TRIO: variants seen among roughly 807,000 people sequenced by gnomAD.
The protein encoded by TRIO is trio Rho guanine nucleotide exchange factor, also known as triple functional domain protein.
A neutral mutation model predicts 351.9 loss-of-function variants in TRIO; 58 were observed. The observed-to-expected ratio is 0.16, with a 90% confidence interval of 0.13 to 0.21. The LOEUF (loss-of-function observed/expected upper bound fraction) is 0.21. Among genes scored for constraint, TRIO ranks in the 10% least tolerant of loss-of-function variants. The pLI, the probability that TRIO is intolerant of heterozygous loss-of-function variation, is 1.00. For missense variants in TRIO, 3,201 were observed against 4,027.8 expected, an observed-to-expected ratio of 0.79 and a Z score of 5.56; for synonymous variants, 1,758 against 1,595.7, an observed-to-expected ratio of 1.10 and a Z score of -2.42.
chr5:14,417,472 G>A (rs1307980197), intron 33 of TRIO, among the ~76,000 whole-genome samples: 2 of 152,244 alleles, frequency 1.3e-5, no homozygotes, highest in African/African-American at 4.8e-5. Context: ...GCACAAGGGG[G>A]CAGCCCCAGA....
At chr5:14,233,552 CCTTT>C (rs1428652957) in intron 1 of TRIO, among the ~76,000 whole-genome samples, 1 of 151,818 alleles carries the variant, frequency 6.6e-6, no homozygotes, top group Non-Finnish European at 1.5e-5. Flanking sequence ...ATTTTTCCTT[CCTTT>C]CTTCCTTCTC....
intron 34 of TRIO, among the ~76,000 whole-genome samples, chr5:14,435,442 A>G (rs1286730181): frequency 2.0e-5 from 3 of 152,172 alleles, no homozygotes; most frequent in Non-Finnish European, 4.4e-5. Context: ...CCCCCACTGT[A>G]AAGTTACTGT....
chr5:14,441,658 G>A (rs1018291167), intron 34 of TRIO, among the ~76,000 whole-genome samples: 2 of 152,120 alleles, frequency 1.3e-5, no homozygotes, highest in Non-Finnish European at 2.9e-5. Context: ...TCTTATAAAT[G>A]GCATGTAAAG....
chr5:14,215,472 T>G (rs1792160501), intron 1 of TRIO, among the ~76,000 whole-genome samples: 1 of 152,248 alleles, frequency 6.6e-6, no homozygotes, highest in Admixed American at 6.5e-5. Context: ...ATTTTTTTCC[T>G]TCAGCTTTCT....
Position 14,369,529 on chromosome 5 carries a change from G to T in TRIO, c.3216+6G>T. The T allele has an allele frequency of 6.2e-7, 1 of 1,612,948 alleles. No homozygotes were observed. The highest frequency in any genetic ancestry group is 8.5e-7 in the Non-Finnish European group (1 of 1,179,580). ...AGAAGGAGGCATTCCTGAAGGTAGG[G>T]GCAGCGCTGCGGGACAGTGCACCCA... On this transcript the variant is annotated splice_donor_region_variant and intron_variant, in intron 18 of 56. Coordinates refer to ENST00000344204, the MANE Select transcript of TRIO (RefSeq NM_007118.4).
chr5:14,180,099 T>TAAA (rs1789668432), intron 1 of TRIO, among the ~76,000 whole-genome samples: 1 of 18,304 alleles, frequency 5.5e-5, no homozygotes, highest in African/African-American at 3.7e-4. Context: ...GGACTCCTGC[T>TAAA]CAAAAAAAAA....
intron 1 of TRIO, among the ~76,000 whole-genome samples, chr5:14,258,793 G>T (rs951493744): frequency 6.6e-6 from 1 of 152,200 alleles, no homozygotes; most frequent in East Asian, 1.9e-4. Flanking sequence ...TGGCCCAGGG[G>T]GATAATGAGT....
intron 19 of TRIO, among the ~76,000 whole-genome samples, chr5:14,377,752 G>A (rs868346626): frequency 3.3e-5 from 5 of 151,980 alleles, no homozygotes; most frequent in African/African-American, 1.2e-4. Flanking sequence ...CATATCCCAC[G>A]AATCCATCCA....
At chr5:14,375,310 A>G (rs576813093) in intron 19 of TRIO, among the ~76,000 whole-genome samples, 2 of 152,314 alleles carry the variant, frequency 1.3e-5, no homozygotes, top group South Asian at 4.1e-4. Flanking sequence ...TTCCTGTAGA[A>G]ATAAGTTCAC....
intron 6 of TRIO, among the ~76,000 whole-genome samples, chr5:14,294,696 C>T (rs165081): frequency 0.013 from 1,970 of 152,194 alleles, 43 homozygotes; most frequent in African/African-American, 0.045. Context: ...TGCCATGTGA[C>T]CTTGGGAAGG....
chr5:14,497,822 T>G lies in TRIO; in HGVS notation c.8020-25T>G. 1 of 1,614,206 alleles carries G rather than the reference T, an allele frequency of 6.2e-7. No individual in the cohort carries two copies. Among genetic ancestry groups the G allele is most frequent in the Non-Finnish European group, 8.5e-7 (1 of 1,180,014 alleles). Reference sequence around the variant, plus strand: ...CCTTAAAGTAGCTCATTTCAGTTAATGCTTGTTTGCTGTTTCCATTTCAGC... The same window carrying G: ...CCTTAAAGTAGCTCATTTCAGTTAAGGCTTGTTTGCTGTTTCCATTTCAGC... On this transcript the variant is annotated intron_variant, in intron 50 of 56. Coordinates refer to ENST00000344204, the MANE Select transcript of TRIO (RefSeq NM_007118.4). The surrounding 1 kb of genome is among the most constrained non-coding windows in gnomAD (Gnocchi z 4.4).
intron 28 of TRIO, among the ~76,000 whole-genome samples, chr5:14,396,131 G>A (rs1452238495): frequency 6.6e-6 from 1 of 150,958 alleles, no homozygotes; most frequent in African/African-American, 2.4e-5. Flanking sequence ...AATAACGGAT[G>A]TTTCTCTAAA....
chr5:14,440,000 A>G (rs1418599391), intron 34 of TRIO, among the ~76,000 whole-genome samples: 2 of 152,196 alleles, frequency 1.3e-5, no homozygotes, highest in Non-Finnish European at 2.9e-5. Context: ...AAATTTTATT[A>G]TGCAACAAAT....
intron 24 of TRIO, 142 bp downstream of exon 24, chr5:14,388,821 A>G: frequency 2.0e-6 from 2 of 979,878 alleles, no homozygotes; most frequent in Non-Finnish European, 2.9e-6. Flanking sequence ...ATGCTTCAGC[A>G]GCCGGTTTCA....
chr5:14,329,708 T>C (rs144839431), intron 9 of TRIO, among the ~76,000 whole-genome samples: 165 of 152,342 alleles, frequency 1.1e-3, no homozygotes, highest in African/African-American at 3.9e-3. Flanking sequence ...TTAAAATCTT[T>C]TAAAGTTTTT....
chr5:14,159,047 C>A (rs553675828), intron 1 of TRIO, among the ~76,000 whole-genome samples: 43 of 152,266 alleles, frequency 2.8e-4, no homozygotes, highest in Middle Eastern at 6.8e-3. Context: ...GCTATAGGGA[C>A]AAGGTTACCA....
chr5:14,252,359 T>C (rs950504217), intron 1 of TRIO, among the ~76,000 whole-genome samples: 1 of 152,240 alleles, frequency 6.6e-6, no homozygotes, highest in Admixed American at 6.5e-5. Flanking sequence ...TGCCACCTTC[T>C]TGGTGATTTT....
chr5:14,501,336 C>A (rs1366079116), intron 53 of TRIO, among the ~76,000 whole-genome samples: 1 of 152,170 alleles, frequency 6.6e-6, no homozygotes, highest in African/African-American at 2.4e-5. Context: ...CAAAACGTAG[C>A]CTTTGGTTTA....
intron 8 of TRIO, 109 bp from the exon 9 acceptor site, chr5:14,316,404 G>T: frequency 9.4e-7 from 1 of 1,063,712 alleles, no homozygotes; most frequent in Non-Finnish European, 1.4e-6. Flanking sequence ...GTGTGTACAT[G>T]TACGTGTGTG....
Sources: gnomAD v4.1 joint callset for allele counts (sites outside exome capture counted in the v4.1 genomes callset) on GRCh38, gnomAD v4.1.1 for gene constraint, Gnocchi (gnomAD v3.1) non-coding constraint, MANE v1.5 for transcripts, NCBI Gene and HGNC (gene_info 2026-07-23, HGNC 2026-07-21) for gene names.